Variants in CCNG2 observed in about 807,000 individuals in gnomAD.
CCNG2 encodes cyclin-G2.
Under a neutral mutation model 36.5 loss-of-function variants are expected in CCNG2, and 20 were observed. The ratio of observed to expected loss-of-function variants is 0.55; its 90% CI spans 0.39 to 0.80. CCNG2 has a LOEUF of 0.80. Among genes scored for constraint, CCNG2 ranks in the 30% least tolerant of loss-of-function variants. CCNG2 has a pLI of 0.00. For missense variants in CCNG2, 358 were observed against 390.8 expected (o/e 0.92, Z 0.71); for synonymous variants, 155 against 140.1 (o/e 1.11, Z -0.75).
At chr4:77,157,664 C>T (rs1445247947) in intron 1 of CCNG2, among the ~76,000 whole-genome samples, 158 bp downstream of exon 1, 3 of 152,096 alleles carry the variant, frequency 2.0e-5, no homozygotes, top group African/African-American at 7.2e-5. Flanking sequence ...CCGGGGGGAG[C>T]TGGCGCCCGC....
Position 77,164,432 on chromosome 4 carries a change from T to C in CCNG2, c.864T>C (p.Pro288=). The C allele has an allele frequency of 6.2e-7, 1 of 1,614,090 alleles. No individual in the cohort carries two copies. The highest frequency in any genetic ancestry group is 8.5e-7 in the Non-Finnish European group (1 of 1,179,980). ...QNLHNSYYSV[P]ELPTIPEGGC... ...TCCACAACAGCTACTATAGTGTTCC[T>C]GAGCTGCCAACGATACCTGAGGGGG... Residue 288 remains proline (P), a synonymous_variant, in exon 7 of 8, where the codon CCT becomes CCC. Transcript: ENST00000316355.
rs555537901 is a variant in CCNG2 at position 77,160,531 on chromosome 4, T to TGG, written c.277-179_277-178dup. 7.0e-3 allele frequency among the ~76,000 whole-genome samples: 756 copies of TGG among 107,254 alleles called. 58 individuals carry two copies. Among genetic ancestry groups the TGG allele is most frequent in the African/African-American group, 0.029 (674 of 22,952 alleles). 70.4% of individuals were successfully genotyped at this position (107,254 alleles called of 152,430 possible). On this transcript the variant is annotated intron_variant, in intron 3 of 7. Coordinates refer to ENST00000316355, the MANE Select transcript of CCNG2 (RefSeq NM_004354.3). The stretch of plus-strand genomic sequence containing the variant: ...CACTGTTCCCTGCTGCCTTTTTTTT[T>TGG]GGGGGGGGGGGGAGGTCGAGAACGT...
chr4:77,164,479 G>GGTA lies in CCNG2; in HGVS notation c.911+2_911+4dup. 5 of 1,611,978 alleles carry GGTA rather than the reference G, an allele frequency of 3.1e-6. No individual in the cohort carries two copies. The highest frequency in any genetic ancestry group is 4.2e-6 in the Non-Finnish European group (5 of 1,178,242). The stretch of plus-strand genomic sequence containing the variant: ...GGGGGTTGTTTTGATGAAAGTGAAA[G>GGTA]GTAGGCAGGTTCCTTGACTAATTAA... On this transcript the variant is annotated protein_altering_variant and splice_region_variant. Transcript: ENST00000316355.
intron 6 of CCNG2, 111 bp downstream of exon 6, chr4:77,161,858 G>GT (rs901495487): frequency 5.9e-5 from 39 of 661,600 alleles, no homozygotes; most frequent in South Asian, 1.0e-4. Flanking sequence ...TTTTACACTT[G>GT]TTTTTTTTCT....
chr4:77,161,902 C>T (rs1238261867), intron 6 of CCNG2, among the ~76,000 whole-genome samples, 155 bp downstream of exon 6: 1 of 152,150 alleles, frequency 6.6e-6, no homozygotes, highest in East Asian at 1.9e-4. Flanking sequence ...CAAAATGCAG[C>T]TTTGACCCAG....
At chr4:77,165,224 GTA>G (rs1560424382) in intron 7 of CCNG2, among the ~76,000 whole-genome samples, 1 of 152,116 alleles carries the variant, frequency 6.6e-6, no homozygotes, top group Non-Finnish European at 1.5e-5. Context: ...AGTGTAAGTG[GTA>G]TAATAAATCA....
rs371620068 is a variant in CCNG2 at position 77,158,575 on chromosome 4, G to T, written c.43G>T (p.Val15Phe). ...GAEHLAGHEG[V>F]QLLGLLNVYL... ...AGAGCACTTGGCAGGTCATGAAGGG[G>T]TCCAACTTCTCGGGTTGTTGAACGT... The change falls in exon 2 of 8, where the codon GTC becomes TTC. Residue 15 changes from valine (V) to phenylalanine (F), a missense_variant. Physicochemically the swap from Val to Phe is conservative, Grantham distance 50. Coordinates refer to ENST00000316355, the MANE Select transcript of CCNG2 (RefSeq NM_004354.3). The T allele has an allele frequency of 6.2e-7, 1 of 1,614,156 alleles. No homozygotes were observed. The highest frequency in any genetic ancestry group is 8.5e-7 in the Non-Finnish European group (1 of 1,180,010).
intron 6 of CCNG2, among the ~76,000 whole-genome samples, chr4:77,162,214 A>T (rs1731457791): frequency 6.6e-6 from 1 of 152,166 alleles, no homozygotes; most frequent in Admixed American, 6.5e-5. Context: ...AAGTAAAAGT[A>T]AGTCTTACCA....
rs34727878 is a variant in CCNG2, at chr4:77,158,583, T to A, written c.51T>A (p.Leu17=). 6.2e-7 allele frequency: 1 copy of A among 1,614,020 alleles called. No homozygotes were observed. Among genetic ancestry groups the A allele is most frequent in the African/African-American group, 1.3e-5 (1 of 74,908 alleles). The change falls in exon 2 of 8, where the codon CTT becomes CTA. Residue 17 remains leucine, a synonymous_variant. Coordinates refer to ENST00000316355, the MANE Select transcript of CCNG2 (RefSeq NM_004354.3). ...TGGCAGGTCATGAAGGGGTCCAACT[T>A]CTCGGGTTGTTGAACGTCTACCTGG... is the stretch of plus-strand genomic sequence containing the variant. The part of the protein sequence containing the change: ...EHLAGHEGVQ[L]LGLLNVYLEQ...
At chr4:77,162,674 G>A (rs990465116) in intron 6 of CCNG2, among the ~76,000 whole-genome samples, 1 of 152,074 alleles carries the variant, frequency 6.6e-6, no homozygotes, top group African/African-American at 2.4e-5. Context: ...GTGAGCCACT[G>A]TGCCCGGCTT....
At position 77,167,000 on chromosome 4, in the gene CCNG2, AT is replaced by A. The variant is rs1272578609; in HGVS notation, c.*1077del. ...TATATGAACATGTAAATCTTTTAAA[AT>A]GTACATAAAATACTGTATTTTTTTA... On this transcript the variant is annotated 3_prime_UTR_variant, in exon 8 of 8. Transcript: ENST00000316355. The A allele has an allele frequency of 1.3e-5, 2 of 152,216 alleles. No homozygotes were observed. The highest frequency in any genetic ancestry group is 2.9e-5 in the Non-Finnish European group (2 of 68,032). The allele number at this position is 152,216 out of a possible 1,614,324, so 9.4% of individuals were successfully genotyped here.
At chr4:77,158,491 T>C in intron 1 of CCNG2, 42 bp from the exon 2 acceptor site, 2 of 1,611,492 alleles carry the variant, frequency 1.2e-6, no homozygotes, top group East Asian at 2.2e-5. Context: ...CCCACCCCTC[T>C]TACCCCCAGA....
chr4:77,163,333 G>T (rs912124570), intron 6 of CCNG2, among the ~76,000 whole-genome samples: 1 of 152,056 alleles, frequency 6.6e-6, no homozygotes, highest in Admixed American at 6.6e-5. Flanking sequence ...CAGGAGTATT[G>T]AATTTTTATA....
chr4:77,161,381 C>T (rs1214392772), intron 4 of CCNG2, 99 bp from the exon 5 acceptor site: 15 of 878,370 alleles, frequency 1.7e-5, no homozygotes, highest in African/African-American at 3.4e-5. Context: ...GGATTACAGG[C>T]GTGAGACACC....
intron 7 of CCNG2, 198 bp downstream of exon 7, chr4:77,164,677 C>T: frequency 4.1e-6 from 2 of 489,054 alleles, no homozygotes; most frequent in Non-Finnish European, 7.2e-6. Flanking sequence ...AAGGTCCTCT[C>T]CAATTTTTTT....
At chr4:77,161,151 G>A (rs1374041154) in intron 4 of CCNG2, among the ~76,000 whole-genome samples, 180 bp downstream of exon 4, 2 of 140,976 alleles carry the variant, frequency 1.4e-5, no homozygotes, top group East Asian at 4.0e-4. Context: ...TGCCCAGGCT[G>A]GAGTGCAATG....
intron 3 of CCNG2, 143 bp downstream of exon 3, chr4:77,159,647 CA>C (rs1236781395): frequency 1.4e-6 from 1 of 735,898 alleles, no homozygotes; most frequent in Non-Finnish European, 2.1e-6. Flanking sequence ...TCGTTAGTGC[CA>C]GAATAAGACT....
At chr4:77,161,238 G>A (rs1457349396) in intron 4 of CCNG2, among the ~76,000 whole-genome samples, 2 of 151,804 alleles carry the variant, frequency 1.3e-5, no homozygotes, top group African/African-American at 4.8e-5. Flanking sequence ...AAGTAGCTGG[G>A]ATTACAGGCG....
At chr4:77,161,979 C>T (rs867640857) in intron 6 of CCNG2, among the ~76,000 whole-genome samples, 5 of 152,192 alleles carry the variant, frequency 3.3e-5, no homozygotes, top group South Asian at 4.1e-4. Context: ...GGTGCCCCTT[C>T]TGTAGTAATC....
Sources: allele counts gnomAD v4.1 joint callset (sites outside exome capture counted in the v4.1 genomes callset), GRCh38; gene constraint gnomAD v4.1.1; transcripts MANE v1.5; gene names NCBI Gene and HGNC (gene_info 2026-07-23, HGNC 2026-07-21).